The following CNTN1 variants were observed in gnomAD, a reference collection of about 807,000 sequenced individuals.
CNTN1 encodes the protein contactin-1.
In CNTN1, 38 loss-of-function variants were observed where a neutral mutation model predicts 126.4. That is an observed-to-expected ratio of 0.30 (90% CI 0.23 to 0.39). CNTN1 has a LOEUF of 0.39. CNTN1 is among the 10% of genes least tolerant of loss of function. The probability of loss-of-function intolerance (pLI) is 1.00; values close to 1 mark genes in which losing one functional copy is unlikely to be tolerated. For synonymous variants in CNTN1, 413 were observed against 422.6 expected (o/e 0.98, Z 0.28); for missense variants, 1,009 against 1,248.4 (o/e 0.81, Z 2.89).
chr12:40,876,193 C>A (rs1943661566), intron 1 of CNTN1, among the ~76,000 whole-genome samples: 1 of 150,786 alleles, frequency 6.6e-6, no homozygotes, highest in Non-Finnish European at 1.5e-5. Flanking sequence ...TACAGAGCAC[C>A]CTACAAGGAA....
intron 1 of CNTN1, among the ~76,000 whole-genome samples, chr12:40,724,101 T>A (rs6581919): frequency 0.99 from 150,159 of 152,240 alleles, 74,074 homozygotes; most frequent in Middle Eastern, 1. Context: ...ATTCATTATC[T>A]TTATATTTTT....
At chr12:40,737,448 G>A (rs764906009) in intron 1 of CNTN1, among the ~76,000 whole-genome samples, 20 of 150,402 alleles carry the variant, frequency 1.3e-4, no homozygotes, top group Non-Finnish European at 2.7e-4. Context: ...AAGCTGAGGA[G>A]CAAGGAGAGC....
chr12:41,016,724 A>T lies in CNTN1; in HGVS notation c.2227A>T (p.Ile743Leu). The change falls in exon 19 of 24, where the codon ATA (isoleucine) becomes TTA (leucine). Residue 743 changes from isoleucine to leucine, a missense_variant. Transcript: ENST00000551295. ...CCACTATGGCAACAATTTTGGTTAC[A>T]TAGTGGCATTTAAGCCATTTGATGG... Reference protein sequence around the residue: ...EYHYGNNFGYIVAFKPFDGEE... With the variant: ...EYHYGNNFGYLVAFKPFDGEE... 6.2e-7 allele frequency: 1 copy of T among 1,614,178 alleles called. No individual in the cohort carries two copies. The highest frequency in any genetic ancestry group is 8.5e-7 in the Non-Finnish European group (1 of 1,180,020).
chr12:40,961,471 G>A (rs978143089), intron 15 of CNTN1, among the ~76,000 whole-genome samples: 1 of 151,794 alleles, frequency 6.6e-6, no homozygotes, highest in African/African-American at 2.4e-5. Context: ...GACATGCCCT[G>A]CCTTAAGTGA....
At chr12:40,709,219 C>T (rs1309013057) in intron 1 of CNTN1, among the ~76,000 whole-genome samples, 1 of 152,180 alleles carries the variant, frequency 6.6e-6, no homozygotes, top group Non-Finnish European at 1.5e-5. Context: ...CATACATCTC[C>T]CCCAGTGCTC....
Position 40,842,102 on chromosome 12 carries a change from G to A in CNTN1, c.-76-66255G>A, listed in dbSNP as rs543183421. Reference sequence around the variant, plus strand: ...ACCCTAATCTAAGTTAAGTTAAAAAGGTCACTTTGCTTGAGTATGGAAAAT... The same window carrying A: ...ACCCTAATCTAAGTTAAGTTAAAAAAGTCACTTTGCTTGAGTATGGAAAAT... On this transcript the variant is annotated intron_variant, in intron 1 of 23. Coordinates refer to ENST00000551295, the MANE Select transcript of CNTN1 (RefSeq NM_001843.4). Among the ~76,000 whole-genome samples the A allele has an allele frequency of 5.1e-3, 782 of 152,002 alleles. 5 individuals carry two copies. The highest frequency in any genetic ancestry group is 0.018 in the African/African-American group (736 of 41,504).
rs12308484 is a variant in CNTN1 at position 40,822,784 on chromosome 12, G to A, written c.-76-85573G>A. Among the ~76,000 whole-genome samples the A allele has an allele frequency of 6.7e-3, 1,012 of 152,134 alleles. 16 individuals carry two copies. Among genetic ancestry groups the A allele is most frequent in the African/African-American group, 0.023 (946 of 41,510 alleles). On this transcript the variant is annotated intron_variant, in intron 1 of 23. Transcript: ENST00000551295. ...TTATTTTAGAACCAGGGGCTACATG[G>A]ACAGGTTTATTACAAAAGTATACTG...
intron 1 of CNTN1, among the ~76,000 whole-genome samples, chr12:40,881,845 CAT>C (rs1943879946): frequency 6.6e-6 from 1 of 151,802 alleles, no homozygotes; most frequent in African/African-American, 2.4e-5. Flanking sequence ...ACATATCAGT[CAT>C]GTGTAGTTGG....
chr12:41,039,847 A>G (rs1026078809), intron 23 of CNTN1, among the ~76,000 whole-genome samples: 17 of 150,810 alleles, frequency 1.1e-4, no homozygotes, highest in Non-Finnish European at 4.4e-5. Flanking sequence ...GAATAATTAA[A>G]ATTGCTGAAC....
intron 1 of CNTN1, among the ~76,000 whole-genome samples, chr12:40,761,934 T>C (rs1487131450): frequency 6.6e-6 from 1 of 151,792 alleles, no homozygotes; most frequent in African/African-American, 2.4e-5. Context: ...TACAATACAA[T>C]CCTAATTTAA....
At chr12:40,871,549 A>G (rs1943495589) in intron 1 of CNTN1, among the ~76,000 whole-genome samples, 2 of 152,120 alleles carry the variant, frequency 1.3e-5, no homozygotes, top group African/African-American at 4.8e-5. Flanking sequence ...CAATGGAGAG[A>G]AGAAGGACAA....
At chr12:41,037,653 G>C (rs1342358934) in intron 23 of CNTN1, among the ~76,000 whole-genome samples, 2 of 142,202 alleles carry the variant, frequency 1.4e-5, no homozygotes, top group Non-Finnish European at 3.0e-5. Flanking sequence ...AAAGGGGTTT[G>C]TGTGTTTAAT....
chr12:41,056,260 T>G (rs1294671423), intron 23 of CNTN1, among the ~76,000 whole-genome samples: 2 of 152,128 alleles, frequency 1.3e-5, no homozygotes, highest in Non-Finnish European at 2.9e-5. Context: ...AATAACACAA[T>G]TAGCTAATTG....
chr12:40,947,215 T>A (rs1413046313), intron 14 of CNTN1, among the ~76,000 whole-genome samples: 1 of 152,072 alleles, frequency 6.6e-6, no homozygotes, highest in Non-Finnish European at 1.5e-5. Context: ...AAAAATTTCC[T>A]GAGTATTATA....
chr12:40,809,518 AAT>A (rs150881007), intron 1 of CNTN1, among the ~76,000 whole-genome samples: 3 of 151,852 alleles, frequency 2.0e-5, no homozygotes, highest in South Asian at 2.1e-4. Context: ...GAATGGAAAG[AAT>A]ATATATATAT....
intron 1 of CNTN1, among the ~76,000 whole-genome samples, chr12:40,727,794 C>T (rs866288325): frequency 6.6e-6 from 1 of 152,104 alleles, no homozygotes; most frequent in Non-Finnish European, 1.5e-5. Context: ...ATTTGATAGG[C>T]CTTCCCAGAT....
At chr12:40,993,612 A>C (rs1191174111) in intron 17 of CNTN1, among the ~76,000 whole-genome samples, 1 of 152,186 alleles carries the variant, frequency 6.6e-6, no homozygotes, top group Non-Finnish European at 1.5e-5. Context: ...GTAAATTCTG[A>C]ATCTTAACTA....
At chr12:40,937,526 T>C in intron 10 of CNTN1, 44 bp from the exon 11 acceptor site, 1 of 1,252,724 alleles carries the variant, frequency 8.0e-7, no homozygotes, top group Non-Finnish European at 1.2e-6. Context: ...AAAGTATTTC[T>C]ATTAAAGTTC....
chr12:40,769,657 G>T (rs755147989), intron 1 of CNTN1, among the ~76,000 whole-genome samples: 15 of 152,054 alleles, frequency 9.9e-5, no homozygotes, highest in Non-Finnish European at 1.6e-4. Flanking sequence ...TGTTCATCAT[G>T]AATTTTTGCA....
Sources: allele counts gnomAD v4.1 joint callset (sites outside exome capture counted in the v4.1 genomes callset), GRCh38; gene constraint gnomAD v4.1.1; transcripts MANE v1.5; gene names NCBI Gene and HGNC (gene_info 2026-07-23, HGNC 2026-07-21).